Variants in MAOB observed in about 807,000 individuals in gnomAD.
MAOB encodes amine oxidase [flavin-containing] B.
In MAOB, 15 loss-of-function variants were observed where a neutral mutation model predicts 41.9. The observed-to-expected ratio is 0.36, with a 90% CI of 0.24 to 0.55. The LOEUF (loss-of-function observed/expected upper bound fraction) is 0.55, where lower values mean the gene tolerates loss of function less well. Among genes scored for constraint, MAOB ranks in the 20% least tolerant of loss-of-function variants. MAOB has a pLI of 0.86. For synonymous variants in MAOB, 167 were observed against 144.2 expected, an observed-to-expected ratio of 1.16 and a Z score of -1.13; for missense variants, 345 against 398.7, an observed-to-expected ratio of 0.87 and a Z score of 1.15.
At chrX:43,800,487 A>G (rs1276963478) in intron 5 of MAOB, among the ~76,000 whole-genome samples, 1 of 111,665 alleles carries the variant, frequency 9.0e-6, no homozygotes, top group Non-Finnish European at 1.9e-5. Context: ...AAATGTTTAA[A>G]AGAATATAAT....
Position 43,767,562 on chromosome X carries a change from C to T in MAOB, c.1467G>A (p.Val489=). ...TTFLERHLPS[V]PGLLRLIGLT... ...ATCCAATCAGCCTGAGCAGGCCTGGCACGGAGGGCAAATGTCTCTCCAAAA... is the reference window on the plus strand; with the variant it reads ...ATCCAATCAGCCTGAGCAGGCCTGGTACGGAGGGCAAATGTCTCTCCAAAA... The change falls in exon 15 of 15, where the codon GTG becomes GTA. Residue 489 remains valine, a synonymous_variant. Coordinates refer to ENST00000378069, the MANE Select transcript of MAOB (RefSeq NM_000898.5). 1.7e-6 allele frequency: 2 copies of T among 1,210,181 alleles called. No individual in the cohort carries two copies. The highest frequency in any genetic ancestry group is 3.5e-5 in the South Asian group (2 of 56,806).
At position 43,797,347 on chromosome X, in the gene MAOB, C is replaced by A. The variant is rs7892394; in HGVS notation, c.477-81G>T. 639 of 811,190 alleles carry A rather than the reference C, an allele frequency of 7.9e-4. 3 individuals are homozygous for A. The African/African-American group carries it at 0.012, about 15-fold the overall frequency. The allele number at this position is 811,190 out of a possible 1,213,427, so 66.9% of individuals were successfully genotyped here. A position where few individuals can be genotyped will look rare whatever the true frequency, so the allele number is the denominator to read the frequency against. On this transcript the variant is annotated intron_variant, in intron 5 of 14. Coordinates refer to ENST00000378069, the MANE Select transcript of MAOB (RefSeq NM_000898.5). The stretch of plus-strand genomic sequence containing the variant: ...TTCTCTAAAAATTATTTAAGTAACA[C>A]ATTTTCTTGGTTAAGTTTAAAACAA...
intron 12 of MAOB, among the ~76,000 whole-genome samples, chrX:43,769,787 G>C (rs1209097255): frequency 9.0e-6 from 1 of 111,299 alleles, no homozygotes; most frequent in Non-Finnish European, 1.9e-5. Flanking sequence ...TTCCCCACTG[G>C]CTATTCCACT....
intron 3 of MAOB, among the ~76,000 whole-genome samples, chrX:43,838,165 T>C (rs979720188): frequency 6.2e-5 from 7 of 112,099 alleles, no homozygotes; most frequent in African/African-American, 1.3e-4. Context: ...TTTTCACATA[T>C]GCTTGTGGCG....
At chrX:43,850,669 G>T (rs1486985503) in intron 1 of MAOB, among the ~76,000 whole-genome samples, 3 of 111,826 alleles carry the variant, frequency 2.7e-5, no homozygotes, top group Non-Finnish European at 5.6e-5. Context: ...AAGCCTTCTC[G>T]GAAACATGAT....
At position 43,769,296 on chromosome X, in the gene MAOB, C is replaced by A; in HGVS notation, c.1347+11G>T. ...GCCTCCTTCCCCATAATCTATGACC[C>A]CAGACCCTACCTCTCGGGCTGCTCT... On this transcript the variant is annotated intron_variant, in intron 13 of 14. Transcript: ENST00000378069. 1 of 1,197,880 alleles carries A rather than the reference C, an allele frequency of 8.3e-7. No homozygotes were observed. Among genetic ancestry groups the A allele is most frequent in the South Asian group, 1.8e-5 (1 of 54,448 alleles).
intron 5 of MAOB, among the ~76,000 whole-genome samples, chrX:43,800,361 T>C (rs1438688816): frequency 9.0e-6 from 1 of 111,670 alleles, no homozygotes; most frequent in African/African-American, 3.2e-5. Flanking sequence ...TACATACTTA[T>C]TATATTTTGA....
chrX:43,767,273 G>A lies in MAOB; in HGVS notation c.*193C>T. The A allele has an allele frequency of 2.5e-6, 1 of 396,373 alleles. No individual in the cohort carries two copies. Among genetic ancestry groups the A allele is most frequent in the South Asian group, 6.7e-5 (1 of 14,882 alleles). 32.7% of individuals were successfully genotyped at this position (396,373 alleles called of 1,213,427 possible). Reference sequence around the variant, plus strand: ...CTGGTGAAACAGAACGCTAAGCCAGGTAAGGGACACTAAGCAGGGGCCACA... The same window carrying A: ...CTGGTGAAACAGAACGCTAAGCCAGATAAGGGACACTAAGCAGGGGCCACA... On this transcript the variant is annotated 3_prime_UTR_variant, in exon 15 of 15. Coordinates refer to ENST00000378069, the MANE Select transcript of MAOB (RefSeq NM_000898.5).
intron 3 of MAOB, among the ~76,000 whole-genome samples, chrX:43,804,455 A>AAGAGAGAG (rs367565430): frequency 5.6e-5 from 6 of 107,435 alleles, no homozygotes; most frequent in African/African-American, 2.0e-4. Context: ...CAACAGGAGA[A>AAGAGAGAG]AGAGAGAGAG....
chrX:43,870,337 T>C (rs1026417431), intron 1 of MAOB, among the ~76,000 whole-genome samples: 1 of 110,769 alleles, frequency 9.0e-6, no homozygotes, highest in Non-Finnish European at 1.9e-5. Context: ...GCACACAGAG[T>C]GGTAAGAGAT....
chrX:43,878,509 C>T (rs1185706823), intron 1 of MAOB, among the ~76,000 whole-genome samples: 4 of 109,895 alleles, frequency 3.6e-5, no homozygotes, highest in Non-Finnish European at 7.6e-5. Flanking sequence ...GCAATCCTCC[C>T]GTCTCAACCT....
chrX:43,810,228 G>T (rs1489025905), intron 3 of MAOB, among the ~76,000 whole-genome samples: 1 of 64,536 alleles, frequency 1.5e-5, no homozygotes, highest in East Asian at 4.6e-4. Flanking sequence ...GGGCGACAGA[G>T]CGAGACTCTG....
At chrX:43,800,939 A>T (rs1424904803) in intron 5 of MAOB, among the ~76,000 whole-genome samples, 1 of 110,885 alleles carries the variant, frequency 9.0e-6, no homozygotes, top group Non-Finnish European at 1.9e-5. Context: ...GTCATTAAAT[A>T]TTCCTCTACA....
intron 13 of MAOB, among the ~76,000 whole-genome samples, chrX:43,769,066 A>G (rs1431651199): frequency 8.9e-6 from 1 of 112,149 alleles, no homozygotes; most frequent in Non-Finnish European, 1.9e-5. Flanking sequence ...CCTTTCAAGT[A>G]TAGTCAGGTT....
intron 8 of MAOB, among the ~76,000 whole-genome samples, chrX:43,792,830 A>G (rs779306502): frequency 8.9e-6 from 1 of 111,936 alleles, no homozygotes; most frequent in Non-Finnish European, 1.9e-5. Context: ...ATTATTAGGT[A>G]TATACCCAAA....
chrX:43,768,785 G>C, intron 13 of MAOB, 69 bp from the exon 14 acceptor site: 3 of 885,293 alleles, frequency 3.4e-6, no homozygotes, highest in Non-Finnish European at 5.0e-6. Flanking sequence ...GCTCCCTAAA[G>C]GACTAAGTAA....
At chrX:43,809,808 A>G (rs1000410946) in intron 3 of MAOB, among the ~76,000 whole-genome samples, 4 of 112,230 alleles carry the variant, frequency 3.6e-5, no homozygotes, top group African/African-American at 1.3e-4. Flanking sequence ...AGGTCTAATT[A>G]CATATAGCAT....
chrX:43,856,955 A>AT (rs201106668), intron 1 of MAOB, among the ~76,000 whole-genome samples: 1,816 of 95,183 alleles, frequency 0.019, 66 homozygotes, highest in African/African-American at 0.062. Context: ...CTACAATTTA[A>AT]TTTTTTTTTT....
intron 2 of MAOB, among the ~76,000 whole-genome samples, chrX:43,842,511 A>G (rs1261270900): frequency 8.9e-6 from 1 of 112,661 alleles, no homozygotes; most frequent in African/African-American, 3.2e-5. Flanking sequence ...GGTTCCTCAG[A>G]AAACTAAAAA....
Sources: gnomAD v4.1 joint callset for allele counts (sites outside exome capture counted in the v4.1 genomes callset) on GRCh38, gnomAD v4.1.1 for gene constraint, MANE v1.5 for transcripts, NCBI Gene and HGNC (gene_info 2026-07-23, HGNC 2026-07-21) for gene names.